DLG1: variants seen among roughly 807,000 people sequenced by gnomAD.
DLG1 encodes discs large MAGUK scaffold protein 1.
A neutral mutation model predicts 123.4 loss-of-function variants in DLG1; 42 were observed. The ratio of observed to expected loss-of-function variants is 0.34; its 90% CI spans 0.27 to 0.44. The LOEUF is 0.44. Among genes scored for constraint, DLG1 ranks in the 20% least tolerant of loss-of-function variants. DLG1 has a pLI of 1.00. For missense variants in DLG1, 942 were observed against 1,082.6 expected (o/e 0.87, Z 1.82); for synonymous variants, 317 against 356.2 (o/e 0.89, Z 1.24).
intron 4 of DLG1, among the ~76,000 whole-genome samples, chr3:197,261,695 G>C (rs775206938): frequency 5.9e-5 from 9 of 152,136 alleles, no homozygotes; most frequent in Non-Finnish European, 1.2e-4. Flanking sequence ...TTATGAAAAG[G>C]AGTTAATACA....
At chr3:197,067,551 GTTTTTT>G (rs199907948) in intron 19 of DLG1, among the ~76,000 whole-genome samples, 91 of 107,354 alleles carry the variant, frequency 8.5e-4, no homozygotes, top group East Asian at 3.3e-3. Flanking sequence ...AACTCTGAGA[GTTTTTT>G]TTTTTTTTTT....
intron 19 of DLG1, among the ~76,000 whole-genome samples, chr3:197,067,550 A>AG (rs1265223822): frequency 4.3e-5 from 4 of 92,714 alleles, no homozygotes; most frequent in Non-Finnish European, 8.3e-5. Context: ...AAACTCTGAG[A>AG]GTTTTTTTTT....
chr3:197,091,443 C>G (rs1173317833), intron 14 of DLG1, among the ~76,000 whole-genome samples: 1 of 151,652 alleles, frequency 6.6e-6, no homozygotes. Flanking sequence ...GACTTTTTCC[C>G]CTTGAGACAA....
At chr3:197,261,441 G>A (rs1163338621) in intron 4 of DLG1, among the ~76,000 whole-genome samples, 1 of 152,170 alleles carries the variant, frequency 6.6e-6, no homozygotes, top group Non-Finnish European at 1.5e-5. Context: ...GATCCTGTCT[G>A]TAAAAACCTT....
chr3:197,053,923 C>G (rs960126980), intron 23 of DLG1, among the ~76,000 whole-genome samples: 54 of 152,072 alleles, frequency 3.6e-4, no homozygotes, highest in African/African-American at 1.3e-3. Flanking sequence ...AAAATCCTGT[C>G]TCTCTAAAAA....
At chr3:197,274,374 G>GA (rs1166640350) in intron 4 of DLG1, among the ~76,000 whole-genome samples, 1 of 152,134 alleles carries the variant, frequency 6.6e-6, no homozygotes, top group Non-Finnish European at 1.5e-5. Flanking sequence ...ATGGTGCTGG[G>GA]AAAATCTGGA....
chr3:197,101,713 TA>T (rs1474589679), intron 14 of DLG1, among the ~76,000 whole-genome samples: 5 of 151,752 alleles, frequency 3.3e-5, no homozygotes, highest in African/African-American at 1.2e-4. Flanking sequence ...CTATAGGAAG[TA>T]TGTGATAAAA....
chr3:197,044,404 T>C lies in DLG1; in HGVS notation c.*219A>G, dbSNP rs1721590198. The C allele has an allele frequency of 3.8e-5, 14 of 371,784 alleles. No individual in the cohort carries two copies. The South Asian group carries it at 1.1e-3, about 30-fold the overall frequency. The allele number at this position is 371,784 out of a possible 1,614,324, so 23.0% of individuals were successfully genotyped here. A position where few individuals can be genotyped will look rare whatever the true frequency, so the allele number is the denominator to read the frequency against. On this transcript the variant is annotated 3_prime_UTR_variant, in exon 25 of 25. Coordinates refer to ENST00000667157, the MANE Select transcript of DLG1 (RefSeq NM_001366207.1). ...TAATAGCTGGTCAGGCCATTCCATC[T>C]TCAGTTCTGAAAAATGGCCACTAAC...
At chr3:197,210,411 GAATAT>G (rs930287789) in intron 4 of DLG1, among the ~76,000 whole-genome samples, 3 of 144,290 alleles carry the variant, frequency 2.1e-5, no homozygotes, top group African/African-American at 7.3e-5. Flanking sequence ...AGGAAAGAGA[GAATAT>G]AATTACCAAT....
chr3:197,154,583 G>A (rs959451273), intron 5 of DLG1, among the ~76,000 whole-genome samples: 3 of 151,574 alleles, frequency 2.0e-5, no homozygotes, highest in African/African-American at 7.3e-5. Flanking sequence ...GCTGAGGCAG[G>A]AGAATGGCGT....
rs1787274958 is a variant in DLG1, at chr3:197,140,167, C to T, written c.686G>A (p.Gly229Glu). 1.9e-6 allele frequency: 3 copies of T among 1,613,310 alleles called. No individual in the cohort carries two copies. Among genetic ancestry groups the T allele is most frequent in the South Asian group, 1.1e-5 (1 of 90,964 alleles). Residue 229 changes from glycine (G) to glutamate (E), a missense_variant, in exon 8 of 25, where the codon GGA (glycine) becomes GAA (glutamate). By Grantham distance (98) the Gly-to-Glu change is moderately conservative (BLOSUM62 -2). Transcript: ENST00000667157. ...SIFITKIITG[G>E]AAAQDGRLRV... is the part of the protein sequence containing the mutation. ...CAATCTTCCATCTTGGGCGGCTGCT[C>T]CCCCTGTGATAATTTTGGTAATGAA...
chr3:197,277,449 T>G (rs941347377), intron 4 of DLG1, among the ~76,000 whole-genome samples: 33 of 152,236 alleles, frequency 2.2e-4, no homozygotes, highest in African/African-American at 7.5e-4. Context: ...CATGCGATTC[T>G]CACGTCTCTG....
At chr3:197,154,506 T>A (rs1795442234) in intron 5 of DLG1, among the ~76,000 whole-genome samples, 1 of 151,800 alleles carries the variant, frequency 6.6e-6, no homozygotes, top group Non-Finnish European at 1.5e-5. Flanking sequence ...AAACCCCGTC[T>A]CTACTAAAAC....
chr3:197,118,144 C>T lies in DLG1; in HGVS notation c.1286+1266G>A, dbSNP rs144667720. ...CCAATGCAATATTCTAGACAAGAGA[C>T]TCAAGTGAAGAAGCATGAGGAACAG... On this transcript the variant is annotated intron_variant, in intron 12 of 24. Transcript: ENST00000667157. Among the ~76,000 whole-genome samples, 567 of 152,202 alleles carry T rather than the reference C, an allele frequency of 3.7e-3. 3 individuals carry two copies. Among genetic ancestry groups the T allele is most frequent in the African/African-American group, 0.013 (536 of 41,510 alleles).
chr3:197,224,795 T>C (rs1374391786), intron 4 of DLG1, among the ~76,000 whole-genome samples: 2 of 152,174 alleles, frequency 1.3e-5, no homozygotes, highest in Non-Finnish European at 2.9e-5. Flanking sequence ...AGCTAGCAAT[T>C]TGAGACCTCT....
intron 13 of DLG1, among the ~76,000 whole-genome samples, chr3:197,111,804 T>C (rs1022881347): frequency 1.3e-5 from 2 of 152,182 alleles, no homozygotes; most frequent in African/African-American, 4.8e-5. Context: ...TTATCTGTTT[T>C]GCTCAACATA....
At chr3:197,051,905 G>A (rs13077858) in intron 23 of DLG1, among the ~76,000 whole-genome samples, 2 of 137,538 alleles carry the variant, frequency 1.5e-5, no homozygotes, top group African/African-American at 2.7e-5. Context: ...GCAGTGGCAC[G>A]ATCTCAGCTC....
intron 4 of DLG1, among the ~76,000 whole-genome samples, chr3:197,262,521 T>C (rs1023975901): frequency 3.9e-5 from 6 of 152,040 alleles, no homozygotes; most frequent in African/African-American, 7.3e-5. Context: ...AAGGAAGGGG[T>C]TGTGTGAACC....
chr3:197,228,460 T>G (rs1248715516), intron 4 of DLG1, among the ~76,000 whole-genome samples: 1 of 152,258 alleles, frequency 6.6e-6, no homozygotes, highest in Non-Finnish European at 1.5e-5. Flanking sequence ...TATTCAACTA[T>G]GATAATATTG....
Sources: gnomAD v4.1 joint callset for allele counts (sites outside exome capture counted in the v4.1 genomes callset) on GRCh38, gnomAD v4.1.1 for gene constraint, MANE v1.5 for transcripts, NCBI Gene and HGNC (gene_info 2026-07-23, HGNC 2026-07-21) for gene names.